The following CTNNA3 variants were observed in gnomAD, a reference collection of about 807,000 sequenced individuals.
The protein encoded by CTNNA3 is catenin alpha-3.
CTNNA3 carries 76 observed loss-of-function variants against 95.7 expected under a neutral mutation model. The ratio of observed to expected loss-of-function variants is 0.79; its 90% CI spans 0.66 to 0.96. The LOEUF is 0.96. CTNNA3 is among the 40% of genes least tolerant of loss of function. The pLI is 0.00. For missense variants in CTNNA3, 1,191 were observed against 1,089.8 expected (o/e 1.09, Z -1.31); for synonymous variants, 431 against 374.4 (o/e 1.15, Z -1.74).
chr10:66,970,768 A>G (rs1476037942), intron 7 of CTNNA3, among the ~76,000 whole-genome samples: 1 of 152,122 alleles, frequency 6.6e-6, no homozygotes, highest in Non-Finnish European at 1.5e-5. Flanking sequence ...ATAACAAATG[A>G]TTGCCCAAGT....
chr10:66,364,222 C>T (rs2092696021), intron 12 of CTNNA3, among the ~76,000 whole-genome samples: 1 of 150,614 alleles, frequency 6.6e-6, no homozygotes, highest in African/African-American at 2.4e-5. Context: ...AGAACAATAG[C>T]AAAAACAACA....
chr10:66,699,816 C>T (rs950414890), intron 9 of CTNNA3, among the ~76,000 whole-genome samples: 2 of 151,738 alleles, frequency 1.3e-5, no homozygotes, highest in Non-Finnish European at 1.5e-5. Context: ...GTGCCACCAC[C>T]CTGGCTAATT....
chr10:66,931,255 T>C (rs1444645375), intron 7 of CTNNA3, among the ~76,000 whole-genome samples: 1 of 151,196 alleles, frequency 6.6e-6, no homozygotes, highest in Non-Finnish European at 1.5e-5. Context: ...AATACTTTGC[T>C]TTACCAAAAC....
chr10:67,617,374 A>G (rs1036008349), intron 2 of CTNNA3, among the ~76,000 whole-genome samples: 16 of 151,936 alleles, frequency 1.1e-4, no homozygotes, highest in Non-Finnish European at 2.4e-4. Flanking sequence ...CTGTTCCTGC[A>G]TTAGTTTGCT....
At chr10:66,336,407 A>G (rs1307533926) in intron 12 of CTNNA3, among the ~76,000 whole-genome samples, 2 of 151,936 alleles carry the variant, frequency 1.3e-5, no homozygotes, top group East Asian at 3.9e-4. Flanking sequence ...ACCTAATTTG[A>G]TTACCCAAAA....
chr10:66,476,216 C>G (rs2921930), intron 11 of CTNNA3, among the ~76,000 whole-genome samples: 32,227 of 151,612 alleles, frequency 0.21, 6,534 homozygotes, highest in East Asian at 0.84. Context: ...TCAGCAGGAA[C>G]GGGGGATGTG....
chr10:66,172,084 C>A (rs1017529798), intron 13 of CTNNA3, among the ~76,000 whole-genome samples: 1 of 152,002 alleles, frequency 6.6e-6, no homozygotes, highest in African/African-American at 2.4e-5. Context: ...CTTTGCTTGT[C>A]CTTTGTTGCC....
intron 7 of CTNNA3, among the ~76,000 whole-genome samples, chr10:67,152,761 G>A (rs950685513): frequency 6.9e-6 from 1 of 144,448 alleles, no homozygotes; most frequent in African/African-American, 2.7e-5. Context: ...CAAAGAGAAT[G>A]ATTATACTTT....
In CTNNA3 at chr10:65,913,077, T is replaced by C. The variant is rs2076965290; in HGVS notation, c.*7253A>G. ...TGCAATAAACATGACTATTATGAAT[T>C]GGTTACTTTTATTTCATCTCAGAAA... On this transcript the variant is annotated 3_prime_UTR_variant, in exon 18 of 18. Coordinates refer to ENST00000433211, the MANE Select transcript of CTNNA3 (RefSeq NM_013266.4). 1.3e-5 allele frequency: 2 copies of C among 152,116 alleles called. No homozygotes were observed. Among genetic ancestry groups the C allele is most frequent in the East Asian group, 3.9e-4 (2 of 5,188 alleles). 9.4% of individuals were successfully genotyped at this position (152,116 alleles called of 1,614,324 possible).
chr10:67,647,296 T>C (rs1589530322), intron 2 of CTNNA3, 119 bp downstream of exon 2: 3 of 687,986 alleles, frequency 4.4e-6, no homozygotes. Flanking sequence ...TAAAGGACAA[T>C]TTTAGATGAC....
At chr10:66,069,221 TGACA>T in intron 15 of CTNNA3, 83 bp downstream of exon 15, 1 of 1,347,052 alleles carries the variant, frequency 7.4e-7, no homozygotes, top group Non-Finnish European at 1.1e-6. Flanking sequence ...TTTTGGCACT[TGACA>T]CTCAGAGAAT....
intron 5 of CTNNA3, among the ~76,000 whole-genome samples, chr10:67,418,514 T>A (rs1405729000): frequency 1.4e-5 from 2 of 144,244 alleles, no homozygotes. Context: ...TATTTCACTG[T>A]AAAAAAAAAA....
chr10:65,944,854 GTCTATCTATCTATCTATCTATCTATCTA>G (rs56952134), intron 17 of CTNNA3, among the ~76,000 whole-genome samples: 14 of 144,852 alleles, frequency 9.7e-5, no homozygotes, highest in African/African-American at 3.8e-4. Flanking sequence ...GAAAATATCT[GTCTATCTATCTATCTATCTATCTATCTA>G]TCTATCTATC....
intron 17 of CTNNA3, among the ~76,000 whole-genome samples, chr10:65,934,360 C>A (rs768437084): frequency 8.5e-5 from 13 of 152,216 alleles, no homozygotes; most frequent in Non-Finnish European, 1.8e-4. Flanking sequence ...CACCCATGTT[C>A]AAAAATATGC....
chr10:66,501,141 T>C (rs1471419177), intron 11 of CTNNA3, among the ~76,000 whole-genome samples: 1 of 152,178 alleles, frequency 6.6e-6, no homozygotes, highest in East Asian at 1.9e-4. Context: ...TACAAACTTA[T>C]GAAGAACCAG....
chr10:67,381,477 A>G (rs1368871174), intron 5 of CTNNA3, among the ~76,000 whole-genome samples: 2 of 152,180 alleles, frequency 1.3e-5, no homozygotes, highest in African/African-American at 4.8e-5. Context: ...TTAATGATCT[A>G]TTCAGATGTG....
At chr10:66,866,961 G>A (rs1844204551) in intron 7 of CTNNA3, among the ~76,000 whole-genome samples, 2 of 152,010 alleles carry the variant, frequency 1.3e-5, no homozygotes, top group Admixed American at 1.3e-4. Flanking sequence ...TCTCATGGTG[G>A]TGAATAAGTC....
chr10:66,150,959 C>T (rs151042706), intron 13 of CTNNA3, among the ~76,000 whole-genome samples: 1 of 152,090 alleles, frequency 6.6e-6, no homozygotes, highest in East Asian at 1.9e-4. Flanking sequence ...CCTTCAGTGG[C>T]TTCAATCCAT....
intron 10 of CTNNA3, among the ~76,000 whole-genome samples, chr10:66,551,825 A>T (rs2132109371): frequency 6.6e-6 from 1 of 151,676 alleles, no homozygotes; most frequent in African/African-American, 2.4e-5. Context: ...AGCTGTCCGT[A>T]CATGCATAGC....
Sources: gnomAD v4.1 joint callset for allele counts (sites outside exome capture counted in the v4.1 genomes callset) on GRCh38, gnomAD v4.1.1 for gene constraint, MANE v1.5 for transcripts, NCBI Gene and HGNC (gene_info 2026-07-23, HGNC 2026-07-21) for gene names.